The following ANKRD45 variants were observed in gnomAD, a reference collection of about 807,000 sequenced individuals.
ANKRD45 encodes ankyrin repeat domain-containing protein 45.
A neutral mutation model predicts 28.1 loss-of-function variants in ANKRD45; 21 were observed. That is an observed-to-expected ratio of 0.75 (90% CI 0.53 to 1.08). The LOEUF is 1.08. Ranked by LOEUF, ANKRD45 falls within the 50% of genes least tolerant of loss-of-function variation. The pLI is 0.00. For missense variants in ANKRD45, 261 were observed against 308.7 expected (o/e 0.85, Z 1.16); for synonymous variants, 86 against 103.9 (o/e 0.83, Z 1.05).
intron 5 of ANKRD45, among the ~76,000 whole-genome samples, chr1:173,619,303 G>A (rs1236553058): frequency 1.3e-5 from 2 of 152,150 alleles, no homozygotes; most frequent in African/African-American, 4.8e-5. Flanking sequence ...AAGCTTAAAT[G>A]TAAATGGGCT....
chr1:173,686,743 T>C, the ANKRD45 span, among the ~76,000 whole-genome samples: 2 of 152,334 alleles, frequency 1.3e-5, no homozygotes, highest in East Asian at 3.9e-4. Flanking sequence ...TTTTTATTAG[T>C]TTTTAGACCA....
the ANKRD45 span, among the ~76,000 whole-genome samples, chr1:173,688,699 CTCTT>C: frequency 1.3e-4 from 16 of 124,724 alleles, 2 homozygotes; most frequent in South Asian, 4.8e-4. Context: ...TTTCCTCTCT[CTCTT>C]TCTGCCTCTT....
upstream of ANKRD45, chr1:173,669,916 T>A (rs991186893): frequency 5.9e-6 from 1 of 169,004 alleles, no homozygotes; most frequent in African/African-American, 2.4e-5. Context: ...GGGAAGGTTA[T>A]TCTTGGTTGC....
chr1:173,694,250 G>A, the ANKRD45 span, among the ~76,000 whole-genome samples: 18 of 151,872 alleles, frequency 1.2e-4, no homozygotes, highest in Admixed American at 9.2e-4. Context: ...TGCAACCTCC[G>A]CCTCCCGGGT....
chr1:173,657,618 TCTTC>T (rs913985836), intron 2 of ANKRD45: 5 of 129,796 alleles, frequency 3.9e-5, no homozygotes, highest in Non-Finnish European at 6.6e-5. Context: ...TTTTCTTTCT[TCTTC>T]TTCTTTTTTT....
chr1:173,693,400 A>G, the ANKRD45 span, among the ~76,000 whole-genome samples: 5 of 152,194 alleles, frequency 3.3e-5, no homozygotes, highest in African/African-American at 9.6e-5. Flanking sequence ...CTATCTCCCT[A>G]TTCATCCAGA....
chr1:173,632,161 C>A lies in ANKRD45; in HGVS notation c.497-5002G>T, dbSNP rs1668225550. Among the ~76,000 whole-genome samples, 4 of 151,950 alleles carry A rather than the reference C, an allele frequency of 2.6e-5. No homozygotes were observed. In the South Asian group the frequency reaches 8.3e-4, roughly 31 times the overall value. On this transcript the variant is annotated intron_variant, in intron 3 of 5. Transcript: ENST00000333279. ...GAAAAAAATGAAAAAGAAGACATTA[C>A]AACCAATTCCACAGAAATTCAAAAG...
At chr1:173,633,385 G>T (rs1435939763) in intron 3 of ANKRD45, among the ~76,000 whole-genome samples, 2 of 151,924 alleles carry the variant, frequency 1.3e-5, no homozygotes, top group Non-Finnish European at 2.9e-5. Flanking sequence ...TTCATAGATT[G>T]GAAGAATCAA....
chr1:173,646,853 G>A lies in ANKRD45; in HGVS notation c.489C>T (p.Asp163=). ...CCTTGTGAGCTTCCTTACCTGCCCA[G>A]TCCAGGAATTCAACACACTCAGTCT... ...YSQTECVEFL[D]WADARLTLKK... is the part of the protein sequence containing the mutation. Residue 163 remains aspartate, a synonymous_variant, in exon 3 of 6, where the codon GAC becomes GAT. Coordinates refer to ENST00000333279, the MANE Select transcript of ANKRD45 (RefSeq NM_198493.3). The A allele has an allele frequency of 6.2e-7, 1 of 1,613,894 alleles. No individual in the cohort carries two copies. The highest frequency in any genetic ancestry group is 8.5e-7 in the Non-Finnish European group (1 of 1,179,842).
In ANKRD45 at chr1:173,609,636, T is replaced by C. The variant is rs1667059743; in HGVS notation, c.*509A>G. On this transcript the variant is annotated 3_prime_UTR_variant, in exon 6 of 6. Transcript: ENST00000333279. Reference sequence around the variant, plus strand: ...GGTCAAAGATAAAGAGGGGTTTTACTCAGAGGTATACCCCACCTCACAGGT... The same window carrying C: ...GGTCAAAGATAAAGAGGGGTTTTACCCAGAGGTATACCCCACCTCACAGGT... The C allele has an allele frequency of 1.3e-5, 2 of 153,270 alleles. No individual in the cohort carries two copies. Among genetic ancestry groups the C allele is most frequent in the African/African-American group, 4.8e-5 (2 of 41,456 alleles). 9.5% of individuals were successfully genotyped at this position (153,270 alleles called of 1,614,324 possible). A position where few individuals can be genotyped will look rare whatever the true frequency, so the allele number is the denominator to read the frequency against.
At chr1:173,623,950 G>T (rs1667813827) in intron 5 of ANKRD45, among the ~76,000 whole-genome samples, 1 of 124,176 alleles carries the variant, frequency 8.1e-6, no homozygotes, top group Non-Finnish European at 1.6e-5. Context: ...CATACACTGT[G>T]GGGGTGGGGG....
intron 3 of ANKRD45, among the ~76,000 whole-genome samples, chr1:173,641,583 G>A (rs1360324817): frequency 2.6e-5 from 4 of 152,192 alleles, no homozygotes; most frequent in Non-Finnish European, 5.9e-5. Context: ...CTGTATGATG[G>A]TACTGTGGAG....
chr1:173,631,850 G>A (rs1668209695), intron 3 of ANKRD45, among the ~76,000 whole-genome samples: 1 of 151,806 alleles, frequency 6.6e-6, no homozygotes, highest in Admixed American at 6.6e-5. Context: ...GCAGTACTAA[G>A]AGGAAACTTT....
chr1:173,622,325 T>TA (rs1316472449), intron 5 of ANKRD45, among the ~76,000 whole-genome samples: 1 of 151,922 alleles, frequency 6.6e-6, no homozygotes. Context: ...TCATATGGAA[T>TA]AAAAAAAGAG....
intron 1 of ANKRD45, chr1:173,667,767 T>G (rs1298184379): frequency 4.8e-6 from 2 of 420,628 alleles, no homozygotes; most frequent in Admixed American, 3.0e-5. Flanking sequence ...GTCACAAAAA[T>G]GTGCACAATT....
chr1:173,648,316 G>T (rs1240233919), intron 2 of ANKRD45, among the ~76,000 whole-genome samples: 2 of 151,998 alleles, frequency 1.3e-5, no homozygotes, highest in Non-Finnish European at 2.9e-5. Context: ...GGCTTAAGCA[G>T]TCCTTTCCTG....
intron 1 of ANKRD45, among the ~76,000 whole-genome samples, chr1:173,660,048 A>G (rs945268152): frequency 3.9e-5 from 6 of 152,246 alleles, no homozygotes; most frequent in African/African-American, 1.4e-4. Flanking sequence ...TTTAGAAGCA[A>G]TAAGATTAAT....
upstream of ANKRD45, among the ~76,000 whole-genome samples, chr1:173,672,679 A>G (rs1670294732): frequency 6.6e-6 from 1 of 152,240 alleles, no homozygotes; most frequent in South Asian, 2.1e-4. Context: ...TCCAGGTCAG[A>G]AACAGCTGCG....
upstream of ANKRD45, among the ~76,000 whole-genome samples, chr1:173,673,715 C>T (rs1182361585): frequency 1.3e-5 from 2 of 152,122 alleles, no homozygotes; most frequent in South Asian, 2.1e-4. Context: ...GGATTTGTAC[C>T]TAGGTCAGTC....
Sources: gnomAD v4.1 joint callset for allele counts (sites outside exome capture counted in the v4.1 genomes callset) on GRCh38, gnomAD v4.1.1 for gene constraint, MANE v1.5 for transcripts, NCBI Gene and HGNC (gene_info 2026-07-23, HGNC 2026-07-21) for gene names.